CNTLN: variants seen among roughly 807,000 people sequenced by gnomAD.
CNTLN encodes centlein.
CNTLN carries 212 observed loss-of-function variants against 180.0 expected under a neutral mutation model. The ratio of observed to expected loss-of-function variants is 1.18; its 90% CI spans 1.05 to 1.32. The LOEUF (loss-of-function observed/expected upper bound fraction) is 1.32. Among genes scored for constraint, CNTLN ranks in the 40% most tolerant of loss-of-function variants. The pLI is 0.00. For missense variants in CNTLN, 2,095 were observed against 1,610.9 expected, an observed-to-expected ratio of 1.30 and a Z score of -5.14; for synonymous variants, 722 against 563.1, an observed-to-expected ratio of 1.28 and a Z score of -3.99.
the CNTLN span, among the ~76,000 whole-genome samples, chr9:17,523,809 A>G: frequency 2.0e-5 from 3 of 152,194 alleles, no homozygotes; most frequent in African/African-American, 4.8e-5. Flanking sequence ...GGACCCCGTA[A>G]AGAAGCTTGG....
At chr9:17,349,805 A>T (rs1163871112) in intron 12 of CNTLN, among the ~76,000 whole-genome samples, 1 of 152,324 alleles carries the variant, frequency 6.6e-6, no homozygotes, top group East Asian at 1.9e-4. Context: ...ATGAGCATTC[A>T]TGTGTTCATT....
At chr9:17,338,238 C>T (rs1312762860) in intron 10 of CNTLN, among the ~76,000 whole-genome samples, 2 of 150,772 alleles carry the variant, frequency 1.3e-5, no homozygotes, top group Non-Finnish European at 2.9e-5. Context: ...CATCTTTGCT[C>T]ACTGCAACCT....
chr9:17,279,894 A>C (rs529845157), intron 6 of CNTLN, among the ~76,000 whole-genome samples: 4 of 152,222 alleles, frequency 2.6e-5, no homozygotes, highest in African/African-American at 9.6e-5. Flanking sequence ...TCAGGTATTA[A>C]TGGGTTATTA....
chr9:17,262,762 T>A (rs1203651240), intron 5 of CNTLN, among the ~76,000 whole-genome samples: 3 of 151,086 alleles, frequency 2.0e-5, no homozygotes, highest in Non-Finnish European at 2.9e-5. Context: ...AAAGAAAGAT[T>A]AGGTATCTCT....
At chr9:17,277,683 G>C (rs1404087896) in intron 6 of CNTLN, among the ~76,000 whole-genome samples, 3 of 152,014 alleles carry the variant, frequency 2.0e-5, no homozygotes, top group Non-Finnish European at 4.4e-5. Context: ...ATCATGCTTG[G>C]TGGATACATG....
At chr9:17,170,946 T>C (rs1039635427) in intron 2 of CNTLN, among the ~76,000 whole-genome samples, 2 of 152,210 alleles carry the variant, frequency 1.3e-5, no homozygotes, top group Non-Finnish European at 2.9e-5. Context: ...AGTAACATGC[T>C]GTACAGGTTT....
intron 8 of CNTLN, among the ~76,000 whole-genome samples, chr9:17,318,488 C>T (rs1819686557): frequency 6.6e-6 from 1 of 152,056 alleles, no homozygotes; most frequent in Non-Finnish European, 1.5e-5. Context: ...GAGTTAGAGC[C>T]TGTAAATAAT....
At chr9:17,388,442 A>G (rs1825854841) in intron 14 of CNTLN, among the ~76,000 whole-genome samples, 189 bp downstream of exon 14, 3 of 152,082 alleles carry the variant, frequency 2.0e-5, no homozygotes, top group African/African-American at 7.2e-5. Flanking sequence ...AAATGTGTAA[A>G]CACTTGTGCT....
At chr9:17,344,130 C>T (rs547977389) in intron 12 of CNTLN, among the ~76,000 whole-genome samples, 1 of 141,894 alleles carries the variant, frequency 7.0e-6, no homozygotes, top group Admixed American at 7.4e-5. Flanking sequence ...GAAGGATTAC[C>T]TATAAATGAT....
chr9:17,175,048 T>C (rs933877232), intron 2 of CNTLN, among the ~76,000 whole-genome samples: 3 of 152,212 alleles, frequency 2.0e-5, no homozygotes, highest in Non-Finnish European at 2.9e-5. Flanking sequence ...ACTGGTCTTT[T>C]GTCAACTATG....
chr9:17,238,991 T>G (rs542242623), intron 5 of CNTLN, among the ~76,000 whole-genome samples: 2 of 152,318 alleles, frequency 1.3e-5, no homozygotes, highest in South Asian at 4.1e-4. Flanking sequence ...TTGCCCTTTT[T>G]GTTATAGCCA....
chr9:17,454,378 CTG>C (rs1418406388), intron 18 of CNTLN, among the ~76,000 whole-genome samples: 2 of 152,164 alleles, frequency 1.3e-5, no homozygotes, highest in South Asian at 4.1e-4. Context: ...GTTTAGGAGA[CTG>C]TAGACGGATT....
At chr9:17,511,495 T>C in the CNTLN span, among the ~76,000 whole-genome samples, 1 of 152,172 alleles carries the variant, frequency 6.6e-6, no homozygotes, top group African/African-American at 2.4e-5. Context: ...AGCTCTTCCA[T>C]ATGGCTGTTG....
At chr9:17,166,236 A>C (rs980164728) in intron 2 of CNTLN, among the ~76,000 whole-genome samples, 1 of 152,188 alleles carries the variant, frequency 6.6e-6, no homozygotes, top group African/African-American at 2.4e-5. Flanking sequence ...TTGGAAATTA[A>C]ATAAATATAA....
At chr9:17,494,125 GA>G (rs1368027376) in intron 25 of CNTLN, among the ~76,000 whole-genome samples, 3 of 152,274 alleles carry the variant, frequency 2.0e-5, no homozygotes, top group East Asian at 1.9e-4. Context: ...GAGGCCTGGG[GA>G]AAATACATGG....
chr9:17,267,578 G>T lies in CNTLN; in HGVS notation c.850-6155G>T, dbSNP rs561964442. ...TTCTCTGTGTTTCCTGAATCTGAAT[G>T]TTGGCCAAACTTGCTAGATTGGGGA... On this transcript the variant is annotated intron_variant, in intron 5 of 25. Coordinates refer to ENST00000380647, the MANE Select transcript of CNTLN (RefSeq NM_017738.4). Among the ~76,000 whole-genome samples, 5 of 149,834 alleles carry T rather than the reference G, an allele frequency of 3.3e-5. No individual in the cohort carries two copies. The East Asian group carries it at 5.8e-4, about 17-fold the overall frequency.
intron 2 of CNTLN, among the ~76,000 whole-genome samples, chr9:17,155,933 G>T (rs1352721725): frequency 2.0e-5 from 3 of 152,164 alleles, no homozygotes; most frequent in Non-Finnish European, 2.9e-5. Context: ...CACAGTATCT[G>T]TGCTGGAGTT....
chr9:17,179,243 C>CAAA (rs775986829), intron 2 of CNTLN, among the ~76,000 whole-genome samples: 20 of 61,800 alleles, frequency 3.2e-4, no homozygotes, highest in South Asian at 1.0e-3. Context: ...GACTCCGTCT[C>CAAA]AAAAAAAAAA....
chr9:17,308,989 C>CACAG (rs1818936559), intron 7 of CNTLN, 69 bp from the exon 8 acceptor site: 3 of 1,062,272 alleles, frequency 2.8e-6, no homozygotes, highest in Non-Finnish European at 4.0e-6. Context: ...TACACACACA[C>CACAG]ACACACAGAC....
Sources: gnomAD v4.1 joint callset for allele counts (sites outside exome capture counted in the v4.1 genomes callset) on GRCh38, gnomAD v4.1.1 for gene constraint, MANE v1.5 for transcripts, NCBI Gene and HGNC (gene_info 2026-07-23, HGNC 2026-07-21) for gene names.